Variants in MOBP observed in about 807,000 individuals in gnomAD.
MOBP encodes the protein myelin associated oligodendrocyte basic protein.
In MOBP, 5 loss-of-function variants were observed where a neutral mutation model predicts 15.0. That is an observed-to-expected ratio of 0.33 (90% confidence interval 0.17 to 0.70). The LOEUF is 0.70. Among genes scored for constraint, MOBP ranks in the 30% least tolerant of loss-of-function variants. The pLI is 0.67. For synonymous variants in MOBP, 88 were observed against 99.0 expected, an observed-to-expected ratio of 0.89 and a Z score of 0.66; for missense variants, 188 against 257.8, an observed-to-expected ratio of 0.73 and a Z score of 1.85.
At chr3:39,469,696 A>G (rs2042441092) in intron 1 of MOBP, among the ~76,000 whole-genome samples, 1 of 152,210 alleles carries the variant, frequency 6.6e-6, no homozygotes, top group African/African-American at 2.4e-5. Context: ...CAGTTTTCAA[A>G]GGAATAGGCT....
intron 2 of MOBP, among the ~76,000 whole-genome samples, chr3:39,480,597 C>G (rs1454104374): frequency 6.6e-6 from 1 of 152,170 alleles, no homozygotes; most frequent in Non-Finnish European, 1.5e-5. Context: ...AGTGTCTTCC[C>G]CACTGCCACC....
At chr3:39,469,301 T>C (rs2042432531) in intron 1 of MOBP, among the ~76,000 whole-genome samples, 1 of 146,468 alleles carries the variant, frequency 6.8e-6, no homozygotes, top group African/African-American at 2.5e-5. Context: ...TGTATATGTA[T>C]ATATACACAT....
intron 1 of MOBP, among the ~76,000 whole-genome samples, chr3:39,469,230 A>ATGTGTGTG (rs1559412378): frequency 8.2e-6 from 1 of 122,118 alleles, no homozygotes; most frequent in African/African-American, 3.7e-5. Flanking sequence ...ACATATATAC[A>ATGTGTGTG]TATGTGTGTG....
At chr3:39,473,896 A>G (rs1272386964) in intron 1 of MOBP, among the ~76,000 whole-genome samples, 1 of 152,000 alleles carries the variant, frequency 6.6e-6, no homozygotes, top group Non-Finnish European at 1.5e-5. Flanking sequence ...ACTGGCTAAG[A>G]AAGTTTTCCC....
exon 5 of MOBP, chr3:39,515,837 G>A (rs1319412776): frequency 1.3e-5 from 2 of 152,092 alleles, no homozygotes; most frequent in Non-Finnish European, 2.9e-5. Flanking sequence ...CATAGCACTT[G>A]TCACCCTCTG....
chr3:39,488,529 C>G (rs2125639923), intron 2 of MOBP, among the ~76,000 whole-genome samples: 1 of 152,316 alleles, frequency 6.6e-6, no homozygotes, highest in African/African-American at 2.4e-5. Flanking sequence ...TGACCTACCC[C>G]AGACTAGTCT....
At chr3:39,475,946 G>A (rs6786983) in intron 1 of MOBP, among the ~76,000 whole-genome samples, 42,598 of 151,982 alleles carry the variant, frequency 0.28, 7,755 homozygotes, top group African/African-American at 0.51. Flanking sequence ...TCATTCTTAC[G>A]TTGCTATAAA....
chr3:39,499,389 A>T (rs2042937168), intron 2 of MOBP: 1 of 152,314 alleles, frequency 6.6e-6, no homozygotes, highest in African/African-American at 2.4e-5. Flanking sequence ...TCTCCTTTTG[A>T]AAATTCAGCA....
At chr3:39,475,464 A>G (rs1409128325) in intron 1 of MOBP, among the ~76,000 whole-genome samples, 1 of 152,206 alleles carries the variant, frequency 6.6e-6, no homozygotes. Context: ...AGCATCCATT[A>G]GTCAATGATG....
intron 2 of MOBP, among the ~76,000 whole-genome samples, chr3:39,496,542 A>C (rs1323756968): frequency 6.7e-6 from 1 of 150,108 alleles, no homozygotes; most frequent in Admixed American, 6.6e-5. Context: ...TGTGTTGCCC[A>C]GGCTGGAGTG....
At chr3:39,501,093 A>T (rs539816924) in intron 2 of MOBP, among the ~76,000 whole-genome samples, 4 of 152,326 alleles carry the variant, frequency 2.6e-5, no homozygotes, top group African/African-American at 7.2e-5. Context: ...CCTCAAAGTT[A>T]TTTAGTTATT....
At chr3:39,467,846 C>T (rs966638195) in intron 1 of MOBP, 106 bp downstream of exon 1, 3 of 152,156 alleles carry the variant, frequency 2.0e-5, no homozygotes, top group Non-Finnish European at 4.4e-5. Flanking sequence ...CCAGGGAAAA[C>T]TTTCTGTAAG....
chr3:39,508,956 G>A (rs1296847650), intron 4 of MOBP, among the ~76,000 whole-genome samples: 2 of 151,920 alleles, frequency 1.3e-5, no homozygotes, highest in Non-Finnish European at 2.9e-5. Context: ...TATATATACA[G>A]GCATCCCTAT....
chr3:39,469,182 G>GTGTATATATACATATATACATA (rs1559412283), intron 1 of MOBP, among the ~76,000 whole-genome samples: 3 of 81,938 alleles, frequency 3.7e-5, no homozygotes, highest in Non-Finnish European at 6.7e-5. Flanking sequence ...ATATACATGT[G>GTGTATATATACATATATACATA]TGTGTGTGTA....
intron 4 of MOBP, among the ~76,000 whole-genome samples, chr3:39,512,937 G>A (rs192691979): frequency 3.3e-5 from 5 of 152,238 alleles, no homozygotes; most frequent in Admixed American, 6.5e-5. Context: ...TCTTGAACAC[G>A]ATTTGTTCCC....
intron 3 of MOBP, among the ~76,000 whole-genome samples, chr3:39,522,886 G>A (rs1254744815): frequency 6.6e-6 from 1 of 152,180 alleles, no homozygotes; most frequent in Non-Finnish European, 1.5e-5. Flanking sequence ...TTCCTAGTGG[G>A]AAATAAAGCA....
chr3:39,468,732 ATATG>A (rs1421363315), intron 1 of MOBP, among the ~76,000 whole-genome samples: 9 of 120,992 alleles, frequency 7.4e-5, no homozygotes, highest in African/African-American at 3.6e-4. Context: ...ACATATATAC[ATATG>A]TGTGTGTATA....
chr3:39,499,508 G>A (rs2042938995), intron 2 of MOBP: 1 of 152,490 alleles, frequency 6.6e-6, no homozygotes, highest in Non-Finnish European at 1.5e-5. Context: ...GCCTTCCCTT[G>A]ACTGACTCCT....
At chr3:39,504,125 G>A (rs1309521891), downstream of MOBP, among the ~76,000 whole-genome samples, 1 of 152,174 alleles carries the variant, frequency 6.6e-6, no homozygotes, top group African/African-American at 2.4e-5. Context: ...GCATTAAAAA[G>A]GCACAAGATT....
Sources: gnomAD v4.1 joint callset for allele counts (sites outside exome capture counted in the v4.1 genomes callset) on GRCh38, gnomAD v4.1.1 for gene constraint, MANE v1.5 for transcripts, NCBI Gene and HGNC (gene_info 2026-07-23, HGNC 2026-07-21) for gene names.